NLRP1: variants seen among roughly 807,000 people sequenced by gnomAD.
NLRP1 encodes NLR family pyrin domain containing 1, also known as NACHT, LRR and PYD domains-containing protein 1.
A neutral mutation model predicts 136.7 loss-of-function variants in NLRP1; 94 were observed. The observed-to-expected ratio is 0.69, with a 90% CI of 0.58 to 0.82. NLRP1 has a LOEUF of 0.82. Among genes scored for constraint, NLRP1 ranks in the 40% least tolerant of loss-of-function variants. The pLI is 0.00. For synonymous variants in NLRP1, 690 were observed against 725.1 expected, an observed-to-expected ratio of 0.95 and a Z score of 0.78; for missense variants, 1,575 against 1,802.7, an observed-to-expected ratio of 0.87 and a Z score of 2.29.
chr17:5,562,344 T>A (rs921734132), intron 3 of NLRP1, among the ~76,000 whole-genome samples: 2 of 152,216 alleles, frequency 1.3e-5, no homozygotes, highest in African/African-American at 4.8e-5. Flanking sequence ...ATGTCCGAGT[T>A]TGTAGGCTGG....
chr17:5,521,087 C>T (rs1245397387), intron 13 of NLRP1, 75 bp from the exon 14 acceptor site: 4 of 1,431,360 alleles, frequency 2.8e-6, no homozygotes, highest in South Asian at 1.4e-5. Flanking sequence ...GGGGATGGTG[C>T]ATCTGTGTGT....
chr17:5,533,760 C>T (rs1281681183), intron 9 of NLRP1, 137 bp downstream of exon 9: 13 of 681,818 alleles, frequency 1.9e-5, no homozygotes, highest in East Asian at 7.6e-5. Context: ...GGAGCTCTCT[C>T]GTGGGGGTAG....
intron 8 of NLRP1, among the ~76,000 whole-genome samples, chr17:5,534,539 AAC>A: frequency 6.6e-6 from 1 of 152,096 alleles, no homozygotes; most frequent in African/African-American, 2.4e-5. Context: ...TCACCTTGAC[AAC>A]ACCTCTCAAA....
intron 3 of NLRP1, among the ~76,000 whole-genome samples, chr17:5,564,973 A>G (rs1915176344): frequency 6.6e-6 from 1 of 151,956 alleles, no homozygotes; most frequent in African/African-American, 2.4e-5. Flanking sequence ...TCCTGACCTC[A>G]TGATCTGCCC....
chr17:5,567,103 G>A (rs1915420552), intron 3 of NLRP1, among the ~76,000 whole-genome samples: 1 of 151,998 alleles, frequency 6.6e-6, no homozygotes, highest in Non-Finnish European at 1.5e-5. Flanking sequence ...ATTGGTTCTT[G>A]TTTTTTCATT....
At position 5,504,234 on chromosome 17, in the gene NLRP1, G is replaced by T. The variant is rs533626150; in HGVS notation, c.4070-2362C>A. ...AGAGATGGTCTCACTTAATTTTCAT[G>T]ACCCCCTAAATTAGGCACCAGTATT... On this transcript the variant is annotated intron_variant, in intron 15 of 15. Coordinates refer to the NLRP1 transcript ENST00000262467. The surrounding 1 kb of genome is among the most constrained non-coding windows in gnomAD (Gnocchi z 4.4). 1.3e-5 allele frequency: 2 copies of T among 152,812 alleles called. No homozygotes were observed. The highest frequency in any genetic ancestry group is 1.3e-4 in the Admixed American group (2 of 15,308). 9.5% of individuals were successfully genotyped at this position (152,812 alleles called of 1,614,324 possible).
At chr17:5,577,762 A>C (rs190369046) in intron 3 of NLRP1, among the ~76,000 whole-genome samples, 2,541 of 151,834 alleles carry the variant, frequency 0.017, 58 homozygotes, top group African/African-American at 0.059. Flanking sequence ...AAAACGACTT[A>C]AAAGTTCATA....
chr17:5,548,568 C>G (rs943118828), intron 5 of NLRP1, among the ~76,000 whole-genome samples: 1 of 152,202 alleles, frequency 6.6e-6, no homozygotes, highest in Non-Finnish European at 1.5e-5. Flanking sequence ...TGCTTTCCTC[C>G]TTTTCACTAT....
chr17:5,573,122 T>C (rs1447928011), intron 3 of NLRP1, among the ~76,000 whole-genome samples: 1 of 152,232 alleles, frequency 6.6e-6, no homozygotes, highest in Non-Finnish European at 1.5e-5. Context: ...CCCACCCTAA[T>C]ACTGCACTTT....
In NLRP1 at chr17:5,501,571, C is replaced by A. The variant is rs546717268; in HGVS notation, c.*243G>T. The stretch of plus-strand genomic sequence containing the variant: ...ATTGGTGCATTTCTCTGCCTTCTTC[C>A]TTTTTTTTCTCTGTCTCTCCATCTG... On this transcript the variant is annotated 3_prime_UTR_variant, in exon 16 of 16. Transcript: ENST00000262467. 5.3e-5 allele frequency: 22 copies of A among 412,524 alleles called. No individual in the cohort carries two copies. In the East Asian group the frequency reaches 9.1e-4, roughly 17 times the overall value. 25.6% of individuals were successfully genotyped at this position (412,524 alleles called of 1,614,324 possible). A position where few individuals can be genotyped will look rare whatever the true frequency, so the allele number is the denominator to read the frequency against.
chr17:5,533,471 G>GT (rs1314036322), intron 9 of NLRP1, 87 bp from the exon 10 acceptor site: 2 of 638,950 alleles, frequency 3.1e-6, no homozygotes, highest in Non-Finnish European at 2.9e-6. Context: ...TGGGAGGATT[G>GT]TTTGAGCTCA....
intron 3 of NLRP1, among the ~76,000 whole-genome samples, chr17:5,563,260 G>T (rs1316327412): frequency 6.6e-6 from 1 of 152,168 alleles, no homozygotes; most frequent in African/African-American, 2.4e-5. Flanking sequence ...CTCAGCAATG[G>T]TATTTTAACA....
chr17:5,545,491 GACACACAGACACACACACACATAC>G (rs1567650464), intron 5 of NLRP1, among the ~76,000 whole-genome samples: 3 of 132,690 alleles, frequency 2.3e-5, no homozygotes, highest in African/African-American at 8.6e-5. Flanking sequence ...CACACACACA[GACACACAGACACACACACACATAC>G]ACACACAGAC....
intron 14 of NLRP1, 71 bp from the exon 15 acceptor site, chr17:5,517,958 T>G: frequency 6.6e-7 from 1 of 1,517,576 alleles, no homozygotes; most frequent in South Asian, 1.1e-5. Flanking sequence ...CCTGACACCT[T>G]CTTGGCCCTG....
intron 5 of NLRP1, among the ~76,000 whole-genome samples, chr17:5,546,693 T>C (rs747111936): frequency 6.6e-6 from 1 of 152,086 alleles, no homozygotes; most frequent in Non-Finnish European, 1.5e-5. Flanking sequence ...GGGTGAAATA[T>C]TAAAAAAGCA....
chr17:5,533,487 T>G lies in NLRP1; in HGVS notation c.3053-103A>C, dbSNP rs1222065049. ...GGGAGGATTGTTTGAGCTCAGAAGG[T>G]TTAGGCTGCAGTGAGCCATGAACAT... On this transcript the variant is annotated intron_variant, in intron 9 of 16. Transcript: ENST00000572272. The G allele has an allele frequency of 7.6e-6, 5 of 660,702 alleles. No individual in the cohort carries two copies. The African/African-American group carries it at 9.0e-5, about 12-fold the overall frequency. The allele number at this position is 660,702 out of a possible 1,614,324, so 40.9% of individuals were successfully genotyped here.
chr17:5,558,668 G>T lies in NLRP1; in HGVS notation c.2028C>A (p.Gly676=). 6.2e-7 allele frequency: 1 copy of T among 1,614,044 alleles called. No individual in the cohort carries two copies. The highest frequency in any genetic ancestry group is 8.5e-7 in the Non-Finnish European group (1 of 1,180,006). Reference sequence around the variant, plus strand: ...CTCTCTCCCCCTCATCACTTAACAGGCCCAATAGGAAACGTGTGGTTGATG... The same window carrying T: ...CTCTCTCCCCCTCATCACTTAACAGTCCCAATAGGAAACGTGTGGTTGATG... The part of the protein sequence containing the change: ...FGASTTRFLL[G]LLSDEGEREM... The change falls in exon 4 of 17, where the codon GGC becomes GGA. Residue 676 remains glycine, a synonymous_variant. Coordinates refer to ENST00000572272, the MANE Select transcript of NLRP1 (RefSeq NM_033004.4).
Position 5,584,105 on chromosome 17 carries a change from T to C in NLRP1, c.-148A>G. 1.3e-6 allele frequency: 1 copy of C among 760,332 alleles called. No individual in the cohort carries two copies. The highest frequency in any genetic ancestry group is 2.9e-5 in the Admixed American group (1 of 34,752). The allele number at this position is 760,332 out of a possible 1,614,324, so 47.1% of individuals were successfully genotyped here. A position where few individuals can be genotyped will look rare whatever the true frequency, so the allele number is the denominator to read the frequency against. The stretch of plus-strand genomic sequence containing the variant: ...CCAGTTTTATAAATCCCAGGGCACC[T>C]ACAGATAGACGCCGATAGAGGGGGA... On this transcript the variant is annotated 5_prime_UTR_variant, in exon 1 of 17. Coordinates refer to ENST00000572272, the MANE Select transcript of NLRP1 (RefSeq NM_033004.4).
At chr17:5,532,412 AG>A (rs1342557140) in intron 11 of NLRP1, among the ~76,000 whole-genome samples, 1 of 152,138 alleles carries the variant, frequency 6.6e-6, no homozygotes, top group Non-Finnish European at 1.5e-5. Flanking sequence ...ATGGAAGAAA[AG>A]GTTTTTATTT....
Sources: gnomAD v4.1 joint callset for allele counts (sites outside exome capture counted in the v4.1 genomes callset) on GRCh38, gnomAD v4.1.1 for gene constraint, Gnocchi (gnomAD v3.1) non-coding constraint, MANE v1.5 for transcripts, NCBI Gene and HGNC (gene_info 2026-07-23, HGNC 2026-07-21) for gene names.